The following PDZRN3 variants were observed in gnomAD, a reference collection of about 807,000 sequenced individuals.
The protein encoded by PDZRN3 is E3 ubiquitin-protein ligase PDZRN3.
PDZRN3 carries 38 observed loss-of-function variants against 85.7 expected under a neutral mutation model. The observed-to-expected ratio is 0.44, with a 90% CI of 0.34 to 0.58. The LOEUF (loss-of-function observed/expected upper bound fraction) is 0.58, where lower values mean the gene tolerates loss of function less well. PDZRN3 is among the 20% of genes least tolerant of loss of function. The pLI, the probability that PDZRN3 is intolerant of heterozygous loss-of-function variation, is 0.01. For missense variants in PDZRN3, 1,629 were observed against 1,506.4 expected, an observed-to-expected ratio of 1.08 and a Z score of -1.35; for synonymous variants, 759 against 638.0, an observed-to-expected ratio of 1.19 and a Z score of -2.86.
chr3:73,449,742 A>G (rs1286629175), intron 3 of PDZRN3, among the ~76,000 whole-genome samples: 1 of 152,256 alleles, frequency 6.6e-6, no homozygotes, highest in Non-Finnish European at 1.5e-5. Flanking sequence ...AAACTGTAAT[A>G]AGTGGCAGCC....
rs1024279167 is a variant in PDZRN3 at position 73,408,208 on chromosome 3, T to A, written c.919-3813A>T. 1.0e-5 allele frequency: 7 copies of A among 703,154 alleles called. No individual in the cohort carries two copies. The Admixed American group carries it at 1.4e-4, about 14-fold the overall frequency. 43.6% of individuals were successfully genotyped at this position (703,154 alleles called of 1,614,324 possible). A position where few individuals can be genotyped will look rare whatever the true frequency, so the allele number is the denominator to read the frequency against. ...TTGTGGGATGAAGCCAGCGTTGGAA[T>A]CCTGGCTGTGGGCTTTGGGCAATTT... On this transcript the variant is annotated intron_variant, in intron 3 of 9. Coordinates refer to ENST00000263666, the MANE Select transcript of PDZRN3 (RefSeq NM_015009.3).
At chr3:73,500,620 A>G (rs1354302372) in intron 3 of PDZRN3, among the ~76,000 whole-genome samples, 1 of 152,194 alleles carries the variant, frequency 6.6e-6, no homozygotes, top group Non-Finnish European at 1.5e-5. Context: ...TTCTTGTTCT[A>G]GAGTGGATTA....
intron 3 of PDZRN3, among the ~76,000 whole-genome samples, chr3:73,441,884 G>A (rs1025298661): frequency 6.6e-6 from 1 of 152,196 alleles, no homozygotes; most frequent in Non-Finnish European, 1.5e-5. Context: ...GGCATGGCTT[G>A]CTGAGACTAT....
chr3:73,509,940 T>C (rs944009560), intron 3 of PDZRN3, among the ~76,000 whole-genome samples: 1 of 152,206 alleles, frequency 6.6e-6, no homozygotes, highest in Non-Finnish European at 1.5e-5. Context: ...TCGTTGCAAA[T>C]GTTTTGAAAA....
At chr3:73,460,867 C>T (rs1703089992) in intron 3 of PDZRN3, among the ~76,000 whole-genome samples, 1 of 152,060 alleles carries the variant, frequency 6.6e-6, no homozygotes, top group Non-Finnish European at 1.5e-5. Flanking sequence ...AATCTCGGCT[C>T]ACTGCAACCT....
At chr3:73,601,490 G>A (rs576776275) in intron 3 of PDZRN3, among the ~76,000 whole-genome samples, 1 of 152,236 alleles carries the variant, frequency 6.6e-6, no homozygotes, top group South Asian at 2.1e-4. Flanking sequence ...TATCATCGTG[G>A]ATTCTCAAAT....
At chr3:73,470,151 T>C (rs1347438992) in intron 3 of PDZRN3, among the ~76,000 whole-genome samples, 1 of 151,930 alleles carries the variant, frequency 6.6e-6, no homozygotes, top group Admixed American at 6.5e-5. Context: ...TAGTGGCTGT[T>C]GGCTAAAAAA....
At chr3:73,398,965 G>C (rs1701695369) in intron 5 of PDZRN3, among the ~76,000 whole-genome samples, 1 of 152,164 alleles carries the variant, frequency 6.6e-6, no homozygotes, top group African/African-American at 2.4e-5. Context: ...GTGATAGTCA[G>C]GTATAAGGAA....
chr3:73,393,383 C>T (rs1468636527), intron 5 of PDZRN3, among the ~76,000 whole-genome samples: 1 of 152,164 alleles, frequency 6.6e-6, no homozygotes, highest in Non-Finnish European at 1.5e-5. Context: ...AGCGTGCTTC[C>T]TGGTCATGAC....
At chr3:73,478,850 T>A (rs1703508302) in intron 3 of PDZRN3, among the ~76,000 whole-genome samples, 1 of 152,192 alleles carries the variant, frequency 6.6e-6, no homozygotes, top group Non-Finnish European at 1.5e-5. Context: ...CCACAAGAGA[T>A]TAAAATGGGG....
rs1017555096 is a variant in PDZRN3 at position 73,569,455 on chromosome 3, C to T, written c.918+32899G>A. ...TGTCACGTTCTCTTAAGCCCCGAGG[C>T]GTCTACACTGACAATTTCCACTGCA... is the stretch of plus-strand genomic sequence containing the variant. On this transcript the variant is annotated intron_variant, in intron 3 of 9. Transcript: ENST00000263666. 95 of 1,119,292 alleles carry T rather than the reference C, an allele frequency of 8.5e-5. No homozygotes were observed. In the South Asian group the frequency reaches 1.4e-3, roughly 17 times the overall value. The allele number at this position is 1,119,292 out of a possible 1,614,324, so 69.3% of individuals were successfully genotyped here.
At chr3:73,458,750 G>A (rs113075529) in intron 3 of PDZRN3, among the ~76,000 whole-genome samples, 1 of 151,828 alleles carries the variant, frequency 6.6e-6, no homozygotes, top group Non-Finnish European at 1.5e-5. Context: ...CCAGCACTTT[G>A]GGAGGCTGAG....
intron 7 of PDZRN3, among the ~76,000 whole-genome samples, chr3:73,388,908 G>A (rs11128333): frequency 0.6 from 80,631 of 134,378 alleles, 24,416 homozygotes; most frequent in East Asian, 0.86. Context: ...AGTAGTAAAG[G>A]TTAATGGAAA....
chr3:73,600,304 A>AACACACACACACAC (rs35396413), intron 3 of PDZRN3, among the ~76,000 whole-genome samples: 1 of 124,402 alleles, frequency 8.0e-6, no homozygotes, highest in Non-Finnish European at 1.6e-5. Flanking sequence ...TTAGTAATGA[A>AACACACACACACAC]ACACACACAC....
intron 1 of PDZRN3, among the ~76,000 whole-genome samples, chr3:73,618,834 T>A (rs1359631620): frequency 6.6e-6 from 1 of 152,114 alleles, no homozygotes; most frequent in African/African-American, 2.4e-5. Context: ...ATCACAGAAA[T>A]GAAATAGAAG....
At chr3:73,468,520 T>C (rs1309502358) in intron 3 of PDZRN3, among the ~76,000 whole-genome samples, 1 of 151,376 alleles carries the variant, frequency 6.6e-6, no homozygotes, top group Non-Finnish European at 1.5e-5. Context: ...GGAAAAACCA[T>C]GAAGATGGCA....
At chr3:73,590,026 T>C (rs1702332955) in intron 3 of PDZRN3, among the ~76,000 whole-genome samples, 1 of 152,026 alleles carries the variant, frequency 6.6e-6, no homozygotes, top group African/African-American at 2.4e-5. Context: ...CCCAACACTT[T>C]GGGAGGCCAA....
chr3:73,525,968 G>T (rs902290952), intron 3 of PDZRN3, among the ~76,000 whole-genome samples: 1 of 152,184 alleles, frequency 6.6e-6, no homozygotes, highest in Non-Finnish European at 1.5e-5. Flanking sequence ...TCAGTAGATG[G>T]AGCCACACAT....
intron 3 of PDZRN3, among the ~76,000 whole-genome samples, chr3:73,524,023 T>C (rs1704459986): frequency 6.6e-6 from 1 of 152,212 alleles, no homozygotes; most frequent in African/African-American, 2.4e-5. Flanking sequence ...AAATGAAATA[T>C]TTCTTACAAG....
Sources: gnomAD v4.1 joint callset for allele counts (sites outside exome capture counted in the v4.1 genomes callset) on GRCh38, gnomAD v4.1.1 for gene constraint, MANE v1.5 for transcripts, NCBI Gene and HGNC (gene_info 2026-07-23, HGNC 2026-07-21) for gene names.